Variants in DNER observed in about 807,000 individuals in gnomAD.
The protein encoded by DNER is delta and Notch-like epidermal growth factor-related receptor.
A neutral mutation model predicts 78.2 loss-of-function variants in DNER; 33 were observed. That is an observed-to-expected ratio of 0.42 (90% confidence interval 0.32 to 0.56). DNER has a LOEUF of 0.56. DNER is among the 20% of genes least tolerant of loss of function. The pLI, the probability that DNER is intolerant of heterozygous loss-of-function variation, is 0.11. For missense variants in DNER, 918 were observed against 975.3 expected (o/e 0.94, Z 0.78); for synonymous variants, 417 against 384.8 (o/e 1.08, Z -0.98).
intron 9 of DNER, among the ~76,000 whole-genome samples, chr2:229,417,341 A>G (rs1693674874): frequency 1.3e-5 from 2 of 152,236 alleles, no homozygotes; most frequent in Non-Finnish European, 2.9e-5. Flanking sequence ...CTATAAATAG[A>G]GCCCACAAAC....
chr2:229,641,876 C>T (rs1698631213), intron 1 of DNER, among the ~76,000 whole-genome samples: 1 of 152,050 alleles, frequency 6.6e-6, no homozygotes, highest in Non-Finnish European at 1.5e-5. Context: ...TGGTGGAATA[C>T]TGATTTTTAT....
At chr2:229,572,741 C>T (rs1270870297) in intron 4 of DNER, among the ~76,000 whole-genome samples, 1 of 152,130 alleles carries the variant, frequency 6.6e-6, no homozygotes, top group Non-Finnish European at 1.5e-5. Context: ...AAGATGGATG[C>T]AGTTTTTTGC....
Position 229,709,744 on chromosome 2 carries a change from T to C in DNER, c.276+4404A>G, listed in dbSNP as rs115980156. On this transcript the variant is annotated intron_variant, in intron 1 of 12. Coordinates refer to ENST00000341772, the MANE Select transcript of DNER (RefSeq NM_139072.4). ...ACATTGTTATTATAATCCTGAAGGA[T>C]AGGATCCTTAGGGAACATGTAACGA... 9.2e-3 allele frequency among the ~76,000 whole-genome samples: 1,397 copies of C among 152,300 alleles called. 22 individuals are homozygous for C. Among genetic ancestry groups the C allele is most frequent in the African/African-American group, 0.032 (1,326 of 41,552 alleles).
chr2:229,637,589 T>C (rs2154215930), intron 1 of DNER, among the ~76,000 whole-genome samples: 1 of 152,336 alleles, frequency 6.6e-6, no homozygotes, highest in East Asian at 1.9e-4. Flanking sequence ...AGCCATAGGA[T>C]GGAAATTCTA....
chr2:229,675,677 G>C (rs1254530014), intron 1 of DNER, among the ~76,000 whole-genome samples: 1 of 152,166 alleles, frequency 6.6e-6, no homozygotes, highest in Non-Finnish European at 1.5e-5. Flanking sequence ...ATTTCAAAGA[G>C]GAAATGACCC....
rs569803009 is a variant in DNER, at chr2:229,427,979, G to A, written c.1487-9749C>T. 6.1e-4 allele frequency among the ~76,000 whole-genome samples: 93 copies of A among 151,974 alleles called. 1 individual carries two copies. Among genetic ancestry groups the A allele is most frequent in the Non-Finnish European group, 1.2e-3 (83 of 67,978 alleles). On this transcript the variant is annotated intron_variant, in intron 8 of 12. Transcript: ENST00000341772. ...AGTCCCAGCTACTTGGGAGGCTGAGGCGGGAGAATTGCTTGAACCCGGGAG... is the reference window on the plus strand; with the variant it reads ...AGTCCCAGCTACTTGGGAGGCTGAGACGGGAGAATTGCTTGAACCCGGGAG...
chr2:229,623,065 A>G (rs1230868655), intron 1 of DNER, among the ~76,000 whole-genome samples: 1 of 152,068 alleles, frequency 6.6e-6, no homozygotes, highest in African/African-American at 2.4e-5. Context: ...AGGTCTTTCC[A>G]GCATGTTTAA....
Position 229,358,645 on chromosome 2 carries a change from T to G in DNER, c.2109A>C (p.Gly703=), listed in dbSNP as rs752735667. The change falls in exon 13 of 13, where the codon GGA becomes GGC. Residue 703 remains glycine (G), a synonymous_variant. Coordinates refer to ENST00000341772, the MANE Select transcript of DNER (RefSeq NM_139072.4). ...CATACATTGCAGGCCGGGATTTCTT[T>G]CCAAACCTGAAATCAGAGAGAAAGG... ...AIASIRHARF[G]KKSRPAMYDV... 56 of 1,613,308 alleles carry G rather than the reference T, an allele frequency of 3.5e-5. No homozygotes were observed. The highest frequency in any genetic ancestry group is 4.7e-5 in the Non-Finnish European group (55 of 1,179,634).
At chr2:229,548,579 C>T (rs946460713) in intron 4 of DNER, among the ~76,000 whole-genome samples, 1 of 151,980 alleles carries the variant, frequency 6.6e-6, no homozygotes. Flanking sequence ...ACATCACACA[C>T]TGGGGCCTGT....
chr2:229,383,000 G>C (rs986523041), intron 11 of DNER, among the ~76,000 whole-genome samples: 1 of 152,050 alleles, frequency 6.6e-6, no homozygotes, highest in African/African-American at 2.4e-5. Flanking sequence ...AAATGTTAAG[G>C]GCAGCCAGAG....
intron 1 of DNER, among the ~76,000 whole-genome samples, chr2:229,688,720 T>C (rs918398807): frequency 1.3e-5 from 2 of 152,122 alleles, no homozygotes; most frequent in Non-Finnish European, 2.9e-5. Context: ...AATAAACCTA[T>C]TCATGGTAGC....
chr2:229,461,181 C>G (rs972813324), intron 7 of DNER, among the ~76,000 whole-genome samples: 1 of 152,070 alleles, frequency 6.6e-6, no homozygotes, highest in Non-Finnish European at 1.5e-5. Context: ...TTTCTCCTTT[C>G]CCTCCTTCTC....
At chr2:229,447,780 A>G (rs1410217678) in intron 7 of DNER, among the ~76,000 whole-genome samples, 2 of 152,210 alleles carry the variant, frequency 1.3e-5, no homozygotes, top group African/African-American at 4.8e-5. Flanking sequence ...GTTTAGGAGT[A>G]CATACATACG....
intron 7 of DNER, among the ~76,000 whole-genome samples, chr2:229,451,268 C>T (rs1694451103): frequency 6.6e-6 from 1 of 152,098 alleles, no homozygotes; most frequent in Admixed American, 6.5e-5. Context: ...ACCAGCCTGG[C>T]CAACGTGGTG....
chr2:229,553,682 C>T (rs978811123), intron 4 of DNER, among the ~76,000 whole-genome samples: 3 of 152,138 alleles, frequency 2.0e-5, no homozygotes, highest in Non-Finnish European at 2.9e-5. Context: ...TGTGAAAAGC[C>T]GCAGGTTCCT....
At chr2:229,363,273 A>C (rs542390013) in intron 12 of DNER, among the ~76,000 whole-genome samples, 175 of 152,230 alleles carry the variant, frequency 1.1e-3, no homozygotes, top group African/African-American at 3.9e-3. Flanking sequence ...CGTGTGACCC[A>C]CTCCATGTGC....
intron 6 of DNER, among the ~76,000 whole-genome samples, chr2:229,509,220 T>C (rs1695813026): frequency 6.6e-6 from 1 of 152,104 alleles, no homozygotes; most frequent in Non-Finnish European, 1.5e-5. Context: ...AGATAAAAAA[T>C]ATCAAACTGA....
At chr2:229,364,743 G>C (rs562309600) in intron 12 of DNER, among the ~76,000 whole-genome samples, 34 of 151,968 alleles carry the variant, frequency 2.2e-4, no homozygotes, top group South Asian at 6.2e-4. Flanking sequence ...TCTGAGAATT[G>C]GGTTTGGGGA....
intron 6 of DNER, among the ~76,000 whole-genome samples, chr2:229,501,892 T>C (rs1314332502): frequency 6.6e-6 from 1 of 152,184 alleles, no homozygotes; most frequent in African/African-American, 2.4e-5. Flanking sequence ...CAGCTCATAG[T>C]TGACCAACAA....
Sources: gnomAD v4.1 joint callset for allele counts (sites outside exome capture counted in the v4.1 genomes callset) on GRCh38, gnomAD v4.1.1 for gene constraint, MANE v1.5 for transcripts, NCBI Gene and HGNC (gene_info 2026-07-23, HGNC 2026-07-21) for gene names.